Variants in GPNMB observed in about 807,000 individuals in gnomAD.
The protein encoded by GPNMB is glycoprotein nmb.
In GPNMB, 71 loss-of-function variants were observed where a neutral mutation model predicts 57.3. The ratio of observed to expected loss-of-function variants is 1.24; its 90% CI spans 1.02 to 1.51. The LOEUF is 1.51. GPNMB is among the 40% of genes most tolerant of loss of function. The pLI is 0.00. For synonymous variants in GPNMB, 253 were observed against 263.2 expected (o/e 0.96, Z 0.38); for missense variants, 677 against 691.9 (o/e 0.98, Z 0.24).
intron 6 of GPNMB, among the ~76,000 whole-genome samples, chr7:23,263,967 T>A (rs1782994431): frequency 6.6e-6 from 1 of 152,160 alleles, no homozygotes; most frequent in Admixed American, 6.5e-5. Flanking sequence ...AGAAGCCAGT[T>A]GAAGAGGTGA....
At chr7:23,260,406 C>A (rs1280890553) in intron 5 of GPNMB, 50 bp from the exon 6 acceptor site, 19 of 1,401,834 alleles carry the variant, frequency 1.4e-5, no homozygotes, top group East Asian at 2.3e-5. Context: ...CCTCCACTTA[C>A]AATCAAGCAA....
At chr7:23,266,841 G>A (rs1455761837) in intron 7 of GPNMB, among the ~76,000 whole-genome samples, 1 of 152,220 alleles carries the variant, frequency 6.6e-6, no homozygotes, top group East Asian at 1.9e-4. Flanking sequence ...CTTCTGTGAA[G>A]GCCGCATGCT....
In GPNMB at chr7:23,274,295, C is replaced by A. The variant is rs192850356; in HGVS notation, c.*71C>A. The A allele has an allele frequency of 5.2e-5, 58 of 1,121,338 alleles. No individual in the cohort carries two copies. The African/African-American group carries it at 8.6e-4, about 17-fold the overall frequency. The allele number at this position is 1,121,338 out of a possible 1,614,324, so 69.5% of individuals were successfully genotyped here. On this transcript the variant is annotated 3_prime_UTR_variant, in exon 11 of 11. Transcript: ENST00000258733. The stretch of plus-strand genomic sequence containing the variant: ...GAGATGTGCTGGAGTGGCTATTAAC[C>A]TTTTTTTCCTAAAGATTATTGTTAA...
intron 1 of GPNMB, among the ~76,000 whole-genome samples, chr7:23,252,982 T>C (rs1782693208): frequency 6.6e-6 from 1 of 152,218 alleles, no homozygotes; most frequent in Non-Finnish European, 1.5e-5. Context: ...CTGAAGATTA[T>C]TGGCATCAGT....
At chr7:23,251,216 C>T (rs1172647922) in intron 1 of GPNMB, among the ~76,000 whole-genome samples, 1 of 152,166 alleles carries the variant, frequency 6.6e-6, no homozygotes, top group Non-Finnish European at 1.5e-5. Flanking sequence ...GAACGTGTTG[C>T]TCCCTTCTCC....
intron 3 of GPNMB, among the ~76,000 whole-genome samples, chr7:23,255,268 C>T (rs1382102368): frequency 2.0e-5 from 3 of 152,158 alleles, no homozygotes; most frequent in South Asian, 4.1e-4. Flanking sequence ...CCGCCCGCCT[C>T]GGTCTCCCAA....
intron 10 of GPNMB, 37 bp from the exon 11 acceptor site, chr7:23,274,028 A>G: frequency 6.7e-7 from 1 of 1,502,582 alleles, no homozygotes; most frequent in Non-Finnish European, 9.1e-7. Flanking sequence ...TCAACTGAAG[A>G]TCTTTTAAAA....
rs116885101 is a variant in GPNMB, at chr7:23,249,641, T to G, written c.70+2714T>G. On this transcript the variant is annotated intron_variant, in intron 1 of 10. Coordinates refer to ENST00000258733, the MANE Select transcript of GPNMB (RefSeq NM_002510.3). The stretch of plus-strand genomic sequence containing the variant: ...TATTGAAGTAACTGCATCAATAGTT[T>G]GTTCCTCTTTGTCACAGAGTAGTAT... Among the ~76,000 whole-genome samples the G allele has an allele frequency of 9.0e-3, 1,366 of 152,362 alleles. 15 individuals carry two copies. The highest frequency in any genetic ancestry group is 0.036 in the South Asian group (172 of 4,830).
At chr7:23,266,320 A>C in intron 6 of GPNMB, 197 bp from the exon 7 acceptor site, 1 of 571,634 alleles carries the variant, frequency 1.7e-6, no homozygotes. Flanking sequence ...TAATTTAGCA[A>C]TTATAATACC....
chr7:23,257,157 C>T, intron 4 of GPNMB, 92 bp downstream of exon 4: 1 of 1,119,292 alleles, frequency 8.9e-7, no homozygotes, highest in East Asian at 2.3e-5. Flanking sequence ...AATGATAACA[C>T]AGAGAGTTAA....
intron 10 of GPNMB, 80 bp from the exon 11 acceptor site, chr7:23,273,985 T>C: frequency 9.3e-7 from 1 of 1,071,884 alleles, no homozygotes. Flanking sequence ...CTTTTATACC[T>C]GGCATGAAAA....
chr7:23,254,446 G>A (rs1371889217), intron 3 of GPNMB, 134 bp downstream of exon 3: 1 of 698,946 alleles, frequency 1.4e-6, no homozygotes, highest in Non-Finnish European at 2.4e-6. Context: ...GACAGAGACA[G>A]TGAGTGTGTG....
rs1435716197 is a variant in GPNMB at position 23,266,559 on chromosome 7, A to T, written c.1061A>T (p.Asp354Val). Reference sequence around the variant, plus strand: ...CCCCTGGAGCTGAGTAGGATTCCTGATGAAAACTGCCAGATTAACAGATAT... The same window carrying T: ...CCCCTGGAGCTGAGTAGGATTCCTGTTGAAAACTGCCAGATTAACAGATAT... ...DNPLELSRIP[D>V]ENCQINRYGH... Residue 354 changes from aspartate (D) to valine (V), a missense_variant, in exon 7 of 11, where the codon GAT becomes GTT. Asp to Val is a radical substitution (Grantham distance 152, BLOSUM62 -3). Transcript: ENST00000258733. 1.2e-6 allele frequency: 2 copies of T among 1,613,940 alleles called. No individual in the cohort carries two copies. The highest frequency in any genetic ancestry group is 1.1e-5 in the South Asian group (1 of 91,080).
intron 4 of GPNMB, 185 bp downstream of exon 4, chr7:23,257,250 C>A: frequency 1.6e-6 from 1 of 637,680 alleles, no homozygotes; most frequent in Non-Finnish European, 2.8e-6. Flanking sequence ...TGCCAAATCT[C>A]CAGGACACCG....
In GPNMB at chr7:23,270,314, A is replaced by G. The variant is rs1783171851; in HGVS notation, c.1429+139A>G. 8.1e-6 allele frequency: 5 copies of G among 618,878 alleles called. No homozygotes were observed. The Admixed American group carries it at 1.5e-4, about 18-fold the overall frequency. 38.3% of individuals were successfully genotyped at this position (618,878 alleles called of 1,614,324 possible). A position where few individuals can be genotyped will look rare whatever the true frequency, so the allele number is the denominator to read the frequency against. On this transcript the variant is annotated intron_variant, in intron 9 of 10. Coordinates refer to ENST00000258733, the MANE Select transcript of GPNMB (RefSeq NM_002510.3). ...ATTCATTGAACTCTTATTAATAAGG[A>G]TCTGAGGACTGGCATTACAATCCAA...
intron 3 of GPNMB, among the ~76,000 whole-genome samples, chr7:23,254,949 T>C (rs1782741800): frequency 6.6e-6 from 1 of 152,088 alleles, no homozygotes. Context: ...GGCAGGTGTA[T>C]CACCTGAGGT....
chr7:23,255,306 C>T (rs951417295), intron 3 of GPNMB, among the ~76,000 whole-genome samples: 2 of 152,174 alleles, frequency 1.3e-5, no homozygotes, highest in Admixed American at 6.5e-5. Context: ...CGTGAGCCAC[C>T]GCGCCCAGTC....
Position 23,246,920 on chromosome 7 carries a change from C to T in GPNMB, c.63C>T (p.Ala21=), listed in dbSNP as rs748791376. The change falls in exon 1 of 11, where the codon GCC becomes GCT. Residue 21 remains alanine (A), a synonymous_variant. Coordinates refer to ENST00000258733, the MANE Select transcript of GPNMB (RefSeq NM_002510.3). Reference sequence around the variant, plus strand: ...TGGCTGCAAGATTGCCACTTGATGCCGCCAAACGTGAGTAACCCTTAATTT... The same window carrying T: ...TGGCTGCAAGATTGCCACTTGATGCTGCCAAACGTGAGTAACCCTTAATTT... The part of the protein sequence containing the change: ...LLLAARLPLD[A]AKRFHDVLGN... The T allele has an allele frequency of 1.7e-5, 27 of 1,610,982 alleles. No homozygotes were observed. In the South Asian group the frequency reaches 2.6e-4, roughly 16 times the overall value.
At chr7:23,254,798 T>C (rs1782738199) in intron 3 of GPNMB, among the ~76,000 whole-genome samples, 1 of 152,116 alleles carries the variant, frequency 6.6e-6, no homozygotes, top group South Asian at 2.1e-4. Flanking sequence ...AGAAATAAGC[T>C]CTCTATCTAT....
Sources: gnomAD v4.1 joint callset for allele counts (sites outside exome capture counted in the v4.1 genomes callset) on GRCh38, gnomAD v4.1.1 for gene constraint, MANE v1.5 for transcripts, NCBI Gene and HGNC (gene_info 2026-07-23, HGNC 2026-07-21) for gene names.